Variants in SPAG16 observed in about 807,000 individuals in gnomAD.
SPAG16 encodes the protein sperm-associated antigen 16 protein.
In SPAG16, 86 loss-of-function variants were observed where a neutral mutation model predicts 80.4. The observed-to-expected ratio is 1.07, with a 90% CI of 0.90 to 1.28. The LOEUF (loss-of-function observed/expected upper bound fraction) is 1.28. Ranked by LOEUF, SPAG16 falls within the 50% of genes most tolerant of loss-of-function variation. SPAG16 has a pLI of 0.00. For missense variants in SPAG16, 870 were observed against 765.3 expected (o/e 1.14, Z -1.61); for synonymous variants, 294 against 265.9 (o/e 1.11, Z -1.03).
chr2:213,596,848 A>G (rs2060899097), intron 10 of SPAG16, among the ~76,000 whole-genome samples: 2 of 152,168 alleles, frequency 1.3e-5, no homozygotes, highest in African/African-American at 4.8e-5. Context: ...GTCACCAAGC[A>G]AACTTCTGAT....
intron 13 of SPAG16, among the ~76,000 whole-genome samples, chr2:214,083,979 A>G (rs772778212): frequency 6.6e-6 from 1 of 151,960 alleles, no homozygotes; most frequent in Non-Finnish European, 1.5e-5. Flanking sequence ...CTATTCTACT[A>G]AAGCTCTTAT....
chr2:213,766,135 A>G (rs1302912591), intron 10 of SPAG16, among the ~76,000 whole-genome samples: 4 of 152,200 alleles, frequency 2.6e-5, no homozygotes, highest in African/African-American at 9.6e-5. Context: ...TTCCACATGG[A>G]CTTTTATAAA....
At chr2:213,960,793 T>C (rs1248532754) in intron 12 of SPAG16, among the ~76,000 whole-genome samples, 2 of 152,228 alleles carry the variant, frequency 1.3e-5, no homozygotes, top group Non-Finnish European at 1.5e-5. Flanking sequence ...AAAATGATAC[T>C]GGCCTTTTAA....
chr2:213,862,182 A>G (rs2075495989), intron 10 of SPAG16, among the ~76,000 whole-genome samples: 1 of 152,210 alleles, frequency 6.6e-6, no homozygotes. Context: ...CCTTAAAGAA[A>G]AACCATAATT....
At chr2:213,874,387 T>C (rs1185598790) in intron 11 of SPAG16, among the ~76,000 whole-genome samples, 2 of 152,158 alleles carry the variant, frequency 1.3e-5, no homozygotes, top group African/African-American at 4.8e-5. Flanking sequence ...TTTGTGCTTT[T>C]TCTATAAATT....
intron 15 of SPAG16, among the ~76,000 whole-genome samples, chr2:214,396,619 T>C (rs73072714): frequency 0.23 from 35,554 of 152,066 alleles, 6,027 homozygotes; most frequent in African/African-American, 0.48. Flanking sequence ...TTCTTACATG[T>C]TCATGTGTTT....
chr2:214,362,432 G>A (rs544089225), intron 15 of SPAG16, among the ~76,000 whole-genome samples: 3 of 152,016 alleles, frequency 2.0e-5, no homozygotes, highest in South Asian at 2.1e-4. Context: ...AATATAGAAA[G>A]ATAATGAACG....
At chr2:214,023,815 A>G (rs1042610090) in intron 13 of SPAG16, among the ~76,000 whole-genome samples, 1 of 151,704 alleles carries the variant, frequency 6.6e-6, no homozygotes, top group East Asian at 1.9e-4. Context: ...TACACTGGCC[A>G]GTAGCGGGAA....
At chr2:213,617,852 C>T (rs2125042273) in intron 10 of SPAG16, among the ~76,000 whole-genome samples, 1 of 152,182 alleles carries the variant, frequency 6.6e-6, no homozygotes, top group East Asian at 1.9e-4. Context: ...CTTATGAACC[C>T]TATTGACATC....
intron 12 of SPAG16, among the ~76,000 whole-genome samples, chr2:213,950,752 A>C (rs572371982): frequency 7.9e-6 from 1 of 126,036 alleles, no homozygotes; most frequent in South Asian, 2.6e-4. Flanking sequence ...TCTGTCGCCC[A>C]GACTGGAGTG....
At chr2:214,247,618 A>T (rs1007415698) in intron 15 of SPAG16, among the ~76,000 whole-genome samples, 7 of 152,190 alleles carry the variant, frequency 4.6e-5, no homozygotes, top group Admixed American at 2.6e-4. Flanking sequence ...TGCTTCTTCT[A>T]CTCCAAGGTC....
intron 2 of SPAG16, 89 bp from the exon 3 acceptor site, chr2:213,297,168 CTTTGA>C: frequency 6.7e-7 from 1 of 1,497,914 alleles, no homozygotes; most frequent in Non-Finnish European, 9.0e-7. Context: ...TTCTTTGATC[CTTTGA>C]TTTGTGAAGC....
At chr2:213,951,480 C>T (rs1357681596) in intron 12 of SPAG16, among the ~76,000 whole-genome samples, 1 of 152,090 alleles carries the variant, frequency 6.6e-6, no homozygotes, top group East Asian at 1.9e-4. Context: ...CATGATTTCT[C>T]CTGTTCTCAA....
intron 15 of SPAG16, among the ~76,000 whole-genome samples, chr2:214,261,298 G>A (rs527504315): frequency 6.6e-6 from 1 of 151,862 alleles, no homozygotes; most frequent in Admixed American, 6.6e-5. Flanking sequence ...CACACAGAGA[G>A]CTAGGCTTCA....
chr2:213,502,783 C>T (rs1258188221), intron 10 of SPAG16, among the ~76,000 whole-genome samples: 2 of 152,174 alleles, frequency 1.3e-5, no homozygotes, highest in Non-Finnish European at 2.9e-5. Flanking sequence ...CCCACTTTCC[C>T]ATCTGAATAT....
rs563543443 is a variant in SPAG16, at chr2:213,879,302, G to A, written c.1214+16674G>A. ...GCATGAGATGGTTTTCCATTTGCCCGTGTTATCTATAATTTCTTTCATCGG... is the reference window on the plus strand; with the variant it reads ...GCATGAGATGGTTTTCCATTTGCCCATGTTATCTATAATTTCTTTCATCGG... On this transcript the variant is annotated intron_variant, in intron 11 of 15. Coordinates refer to ENST00000331683, the MANE Select transcript of SPAG16 (RefSeq NM_024532.5). Among the ~76,000 whole-genome samples the A allele has an allele frequency of 7.3e-5, 11 of 151,582 alleles. No individual in the cohort carries two copies. The South Asian group carries it at 1.5e-3, about 20-fold the overall frequency.
At chr2:214,283,060 A>G (rs1693078951) in intron 15 of SPAG16, among the ~76,000 whole-genome samples, 1 of 152,108 alleles carries the variant, frequency 6.6e-6, no homozygotes, top group Non-Finnish European at 1.5e-5. Flanking sequence ...AAAAAATTAT[A>G]TATGTAAGAA....
chr2:214,087,795 C>CA (rs537887472), intron 13 of SPAG16, among the ~76,000 whole-genome samples: 1 of 151,594 alleles, frequency 6.6e-6, no homozygotes, highest in Non-Finnish European at 1.5e-5. Flanking sequence ...GTGCTATAGA[C>CA]AAAAAAATAT....
At chr2:213,912,092 G>A (rs4672693) in intron 11 of SPAG16, among the ~76,000 whole-genome samples, 88,934 of 151,966 alleles carry the variant, frequency 0.59, 27,833 homozygotes, top group South Asian at 0.84. Context: ...AGTAATTTTA[G>A]TGAGAATAAT....
Sources: allele counts gnomAD v4.1 joint callset (sites outside exome capture counted in the v4.1 genomes callset), GRCh38; gene constraint gnomAD v4.1.1; transcripts MANE v1.5; gene names NCBI Gene and HGNC (gene_info 2026-07-23, HGNC 2026-07-21).